TMEM114: variants seen among roughly 807,000 people sequenced by gnomAD.
The protein encoded by TMEM114 is claudin-26.
A neutral mutation model predicts 6.2 loss-of-function variants in TMEM114; 6 were observed. The observed-to-expected ratio is 0.97, with a 90% CI of 0.53 to 1.91. TMEM114 has a LOEUF of 1.91. Among genes scored for constraint, TMEM114 ranks in the 40% most tolerant of loss-of-function variants. TMEM114 has a pLI of 0.01. For synonymous variants in TMEM114, 104 were observed against 73.0 expected (o/e 1.42, Z -2.16); for missense variants, 218 against 158.3 (o/e 1.38, Z -2.02).
At chr16:8,558,951 G>C (rs201349635) in intron 2 of TMEM114, among the ~76,000 whole-genome samples, 1 of 151,448 alleles carries the variant, frequency 6.6e-6, no homozygotes, top group South Asian at 2.1e-4. Flanking sequence ...CACCATGTTA[G>C]CCAGGATGGT....
intron 2 of TMEM114, among the ~76,000 whole-genome samples, chr16:8,587,693 A>C (rs1902358061): frequency 1.3e-5 from 2 of 152,244 alleles, no homozygotes; most frequent in African/African-American, 4.8e-5. Flanking sequence ...CAGCCTCAGT[A>C]AGTCTATCAA....
the TMEM114 span, among the ~76,000 whole-genome samples, chr16:8,530,929 G>T: frequency 6.6e-6 from 1 of 152,072 alleles, no homozygotes; most frequent in Non-Finnish European, 1.5e-5. Context: ...GTAGGCTGAG[G>T]CAAGAGAATG....
At chr16:8,555,359 C>A (rs535908607) in intron 2 of TMEM114, among the ~76,000 whole-genome samples, 10 of 152,358 alleles carry the variant, frequency 6.6e-5, no homozygotes, top group Admixed American at 2.0e-4. Flanking sequence ...AGGCAATGTG[C>A]TAAGAGTAGC....
chr16:8,561,025 A>G (rs779552370), intron 2 of TMEM114, among the ~76,000 whole-genome samples: 1 of 152,212 alleles, frequency 6.6e-6, no homozygotes, highest in Non-Finnish European at 1.5e-5. Flanking sequence ...CTTAAAAACC[A>G]TCAGGTTTCT....
chr16:8,535,814 G>GGA (rs1567192196), downstream of TMEM114, among the ~76,000 whole-genome samples: 2 of 152,168 alleles, frequency 1.3e-5, no homozygotes, highest in African/African-American at 4.8e-5. Flanking sequence ...TGGGGTGTGT[G>GGA]GAACACAAAG....
chr16:8,533,765 G>C (rs1369922514), downstream of TMEM114, among the ~76,000 whole-genome samples: 9 of 152,192 alleles, frequency 5.9e-5, no homozygotes, highest in Non-Finnish European at 1.0e-4. Context: ...GTTTTCCATA[G>C]ACCAGCTTAC....
chr16:8,562,182 CAGTG>C lies in TMEM114; in HGVS notation n.213-24360_213-24357del, dbSNP rs796604808. On this transcript the variant is annotated intron_variant and non_coding_transcript_variant, in intron 2 of 2. Transcript: ENST00000623677. ...TGAGTTAGTGAATGAGTGAATGAGT[CAGTG>C]AGTGAGTGAATGAGTCAGTGAATGA... is the stretch of plus-strand genomic sequence containing the variant. 3.7e-3 allele frequency among the ~76,000 whole-genome samples: 417 copies of C among 112,500 alleles called. 1 individual carries two copies. The highest frequency in any genetic ancestry group is 0.014 in the African/African-American group (384 of 28,120). The allele number at this position is 112,500 out of a possible 152,430, so 73.8% of individuals were successfully genotyped here. A position where few individuals can be genotyped will look rare whatever the true frequency, so the allele number is the denominator to read the frequency against.
rs145682650 is a variant in TMEM114, at chr16:8,564,147, G to A, written n.212+25066C>T. On this transcript the variant is annotated intron_variant and non_coding_transcript_variant, in intron 2 of 2. Coordinates refer to the TMEM114 transcript ENST00000623677. ...TGAGTGAGTTAGTGAATGAGTGAGT[G>A]AATGAGTTAGTGAATGAGTGAGTAA... Among the ~76,000 whole-genome samples the A allele has an allele frequency of 4.3e-3, 644 of 151,058 alleles. 3 individuals are homozygous for A. The Middle Eastern group carries it at 0.048, about 11-fold the overall frequency.
chr16:8,567,625 C>T (rs890184213), downstream of TMEM114, among the ~76,000 whole-genome samples: 2 of 152,178 alleles, frequency 1.3e-5, no homozygotes, highest in Admixed American at 6.5e-5. Context: ...ACTCCCCACA[C>T]GCACTAAGAA....
intron 2 of TMEM114, among the ~76,000 whole-genome samples, chr16:8,556,734 C>G (rs1346029771): frequency 6.6e-6 from 1 of 152,166 alleles, no homozygotes; most frequent in Admixed American, 6.5e-5. Flanking sequence ...AACTCCTGAC[C>G]TCAGGGGATC....
chr16:8,580,307 C>T (rs111765585), intron 2 of TMEM114, among the ~76,000 whole-genome samples: 2 of 152,090 alleles, frequency 1.3e-5, no homozygotes, highest in African/African-American at 4.8e-5. Context: ...GCCAACATGG[C>T]GAAAACCCGT....
intron 2 of TMEM114, among the ~76,000 whole-genome samples, chr16:8,563,047 A>C (rs1445781574): frequency 1.2e-5 from 1 of 82,592 alleles, no homozygotes; most frequent in East Asian, 4.0e-4. Flanking sequence ...TGAATGAGTA[A>C]ATTGAGTGAA....
intron 2 of TMEM114, among the ~76,000 whole-genome samples, chr16:8,584,831 A>T (rs1902263187): frequency 6.6e-6 from 1 of 151,092 alleles, no homozygotes; most frequent in Non-Finnish European, 1.5e-5. Context: ...CTGAGGCAGA[A>T]GAATTGCTTA....
intron 2 of TMEM114, among the ~76,000 whole-genome samples, chr16:8,584,597 G>C (rs1452127045): frequency 6.6e-6 from 1 of 152,104 alleles, no homozygotes; most frequent in Non-Finnish European, 1.5e-5. Context: ...CAGAATTAAG[G>C]AGGTGTGTTA....
At chr16:8,535,364 T>G (rs1032024524), downstream of TMEM114, among the ~76,000 whole-genome samples, 1 of 151,938 alleles carries the variant, frequency 6.6e-6, no homozygotes, top group Non-Finnish European at 1.5e-5. Flanking sequence ...CAAGTCAGAG[T>G]GAAACATAGA....
chr16:8,577,201 C>T (rs1004602780), intron 2 of TMEM114, among the ~76,000 whole-genome samples: 1 of 152,232 alleles, frequency 6.6e-6, no homozygotes, highest in African/African-American at 2.4e-5. Context: ...CAACGAAAGC[C>T]ACTTCCCTTC....
At chr16:8,538,133 CAAAAAAAA>C (rs59194084) in intron 2 of TMEM114, among the ~76,000 whole-genome samples, 1 of 76,336 alleles carries the variant, frequency 1.3e-5, no homozygotes, top group Admixed American at 1.9e-4. Context: ...ACTGTCTCTA[CAAAAAAAA>C]AAAAAAAAAA....
chr16:8,569,287 C>T (rs982239180), downstream of TMEM114, among the ~76,000 whole-genome samples: 1 of 152,106 alleles, frequency 6.6e-6, no homozygotes, highest in African/African-American at 2.4e-5. Context: ...AACCTGACCC[C>T]GTAGAAAGCC....
intron 2 of TMEM114, among the ~76,000 whole-genome samples, chr16:8,572,621 A>C (rs1901774380): frequency 6.6e-6 from 1 of 152,128 alleles, no homozygotes; most frequent in Non-Finnish European, 1.5e-5. Flanking sequence ...TTTTTGGTAA[A>C]GATGAAGTCT....
Sources: allele counts gnomAD v4.1 joint callset (sites outside exome capture counted in the v4.1 genomes callset), GRCh38; gene constraint gnomAD v4.1.1; transcripts MANE v1.5; gene names NCBI Gene and HGNC (gene_info 2026-07-23, HGNC 2026-07-21).